GLCE: variants seen among roughly 807,000 people sequenced by gnomAD.
GLCE encodes the protein D-glucuronyl C5-epimerase.
GLCE carries 19 observed loss-of-function variants against 47.9 expected under a neutral mutation model. The observed-to-expected ratio is 0.40, with a 90% CI of 0.28 to 0.58. GLCE has a LOEUF of 0.58. Ranked by LOEUF, GLCE falls within the 20% of genes least tolerant of loss-of-function variation. The probability of loss-of-function intolerance (pLI) is 0.48; values close to 1 mark genes in which losing one functional copy is unlikely to be tolerated. For missense variants in GLCE, 556 were observed against 743.3 expected (o/e 0.75, Z 2.93); for synonymous variants, 245 against 263.4 (o/e 0.93, Z 0.68).
chr15:69,258,045 A>G (rs1224802599), intron 3 of GLCE, among the ~76,000 whole-genome samples: 1 of 151,620 alleles, frequency 6.6e-6, no homozygotes, highest in East Asian at 1.9e-4. Flanking sequence ...GTTTTGTTAT[A>G]TAGGTAACTT....
At chr15:69,247,296 T>A (rs1030536679) in intron 2 of GLCE, among the ~76,000 whole-genome samples, 3 of 152,232 alleles carry the variant, frequency 2.0e-5, no homozygotes, top group African/African-American at 7.2e-5. Context: ...TGCTTTACCT[T>A]GTACCTGATA....
At chr15:69,178,604 A>G (rs202050340) in intron 1 of GLCE, among the ~76,000 whole-genome samples, 4 of 152,108 alleles carry the variant, frequency 2.6e-5, no homozygotes, top group East Asian at 3.8e-4. Context: ...TTCAAATGCA[A>G]ATTTAAACAG....
intron 1 of GLCE, among the ~76,000 whole-genome samples, chr15:69,209,457 G>GT (rs1345558216): frequency 6.6e-6 from 1 of 152,050 alleles, no homozygotes; most frequent in African/African-American, 2.4e-5. Flanking sequence ...TCTGTGGATT[G>GT]TAGTTACAAC....
chr15:69,207,171 G>T (rs781436124), intron 1 of GLCE, among the ~76,000 whole-genome samples: 2 of 152,042 alleles, frequency 1.3e-5, no homozygotes, highest in Non-Finnish European at 2.9e-5. Context: ...CTTTAGTTGG[G>T]TTATGCCATT....
chr15:69,254,305 CA>C (rs1483122822), intron 2 of GLCE, among the ~76,000 whole-genome samples: 1 of 152,102 alleles, frequency 6.6e-6, no homozygotes, highest in East Asian at 1.9e-4. Flanking sequence ...AAAAGTAACC[CA>C]GGACTACTTG....
chr15:69,163,091 C>T (rs1033051714), intron 1 of GLCE, among the ~76,000 whole-genome samples: 1 of 152,230 alleles, frequency 6.6e-6, no homozygotes, highest in Admixed American at 6.5e-5. Flanking sequence ...ACATTTACAG[C>T]TATCACAACT....
At chr15:69,178,172 A>G (rs1410714777) in intron 1 of GLCE, among the ~76,000 whole-genome samples, 1 of 152,194 alleles carries the variant, frequency 6.6e-6, no homozygotes, top group African/African-American at 2.4e-5. Context: ...CATATTTATC[A>G]TAAAGGGCTA....
intron 2 of GLCE, among the ~76,000 whole-genome samples, chr15:69,219,855 T>C (rs1003580716): frequency 2.0e-5 from 3 of 152,278 alleles, no homozygotes; most frequent in Admixed American, 6.5e-5. Flanking sequence ...CCTGAAACTC[T>C]GTACTGATTA....
At chr15:69,173,901 A>G (rs2051623334) in intron 1 of GLCE, among the ~76,000 whole-genome samples, 1 of 152,202 alleles carries the variant, frequency 6.6e-6, no homozygotes, top group Non-Finnish European at 1.5e-5. Flanking sequence ...TCTGTCATCC[A>G]GGCTGGTGTG....
intron 1 of GLCE, among the ~76,000 whole-genome samples, chr15:69,163,385 A>C (rs1385528389): frequency 6.6e-6 from 1 of 152,220 alleles, no homozygotes; most frequent in African/African-American, 2.4e-5. Context: ...AAATAAATAC[A>C]GTTAAAAATT....
At chr15:69,210,723 T>G (rs991132304) in intron 2 of GLCE, among the ~76,000 whole-genome samples, 3 of 152,118 alleles carry the variant, frequency 2.0e-5, no homozygotes, top group Non-Finnish European at 4.4e-5. Flanking sequence ...TAGACTGATA[T>G]CAAATCTGTT....
rs79741527 is a variant in GLCE, at chr15:69,268,012, A to G, written c.830-208A>G. The stretch of plus-strand genomic sequence containing the variant: ...GGCAAAAGGTAAGAGCTTTGGCCTG[A>G]TGCTCACAAGCCATCGTGAACTCAC... On this transcript the variant is annotated intron_variant, in intron 4 of 4. Transcript: ENST00000261858. Among the ~76,000 whole-genome samples the G allele has an allele frequency of 5.1e-4, 77 of 152,316 alleles. No homozygotes were observed. In the East Asian group the frequency reaches 0.015, roughly 29 times the overall value.
chr15:69,252,601 A>G (rs773022472), intron 2 of GLCE, among the ~76,000 whole-genome samples: 5 of 152,192 alleles, frequency 3.3e-5, no homozygotes, highest in African/African-American at 9.6e-5. Context: ...TGCCCAAACT[A>G]TATCAGTAGC....
chr15:69,185,236 C>T (rs1005326908), intron 1 of GLCE, among the ~76,000 whole-genome samples: 6 of 152,176 alleles, frequency 3.9e-5, no homozygotes, highest in South Asian at 2.1e-4. Flanking sequence ...AATTATTAAG[C>T]ATTCCTTTCT....
intron 1 of GLCE, among the ~76,000 whole-genome samples, chr15:69,195,024 G>A (rs915687104): frequency 1.3e-5 from 2 of 152,102 alleles, no homozygotes; most frequent in Non-Finnish European, 2.9e-5. Context: ...TGAACTGCTT[G>A]TAGCTCTGTG....
At chr15:69,174,192 G>C (rs539837204) in intron 1 of GLCE, among the ~76,000 whole-genome samples, 1 of 152,140 alleles carries the variant, frequency 6.6e-6, no homozygotes. Flanking sequence ...TCACAATTCC[G>C]AAGGAAACAA....
chr15:69,175,495 AG>A (rs1208627364), intron 1 of GLCE, among the ~76,000 whole-genome samples: 9 of 152,232 alleles, frequency 5.9e-5, no homozygotes, highest in Admixed American at 2.0e-4. Context: ...AACACCAAAA[AG>A]TTTAATGAAT....
chr15:69,256,068 G>T lies in GLCE; in HGVS notation c.262G>T (p.Val88Phe). 1 of 1,614,096 alleles carries T rather than the reference G, an allele frequency of 6.2e-7. No homozygotes were observed. The highest frequency in any genetic ancestry group is 8.5e-7 in the Non-Finnish European group (1 of 1,179,986). The change falls in exon 3 of 5, where the codon GTT becomes TTT. Residue 88 changes from valine to phenylalanine, a missense_variant. Coordinates refer to ENST00000261858, the MANE Select transcript of GLCE (RefSeq NM_015554.3). ...PQEQQKAPPV[V>F]GGFNSNVGSK... ...GGAACAGCAGAAAGCACCCCCTGTT[G>T]TTGGGGGCTTCAATAGCAATGTGGG...
At chr15:69,228,609 A>T (rs1185862077) in intron 2 of GLCE, among the ~76,000 whole-genome samples, 1 of 152,246 alleles carries the variant, frequency 6.6e-6, no homozygotes, top group Non-Finnish European at 1.5e-5. Context: ...GATAAAATTT[A>T]AAATATATTA....
Sources: gnomAD v4.1 joint callset for allele counts (sites outside exome capture counted in the v4.1 genomes callset) on GRCh38, gnomAD v4.1.1 for gene constraint, MANE v1.5 for transcripts, NCBI Gene and HGNC (gene_info 2026-07-23, HGNC 2026-07-21) for gene names.